The following RFX7 variants were observed in gnomAD, a reference collection of about 807,000 sequenced individuals.
RFX7 encodes regulatory factor X7, also known as DNA-binding protein RFX7.
RFX7 carries 26 observed loss-of-function variants against 111.8 expected under a neutral mutation model. The ratio of observed to expected loss-of-function variants is 0.23; its 90% confidence interval spans 0.17 to 0.32. The LOEUF (loss-of-function observed/expected upper bound fraction) is 0.32. RFX7 is among the 10% of genes least tolerant of loss of function. The pLI is 1.00. For synonymous variants in RFX7, 624 were observed against 624.4 expected, an observed-to-expected ratio of 1.00 and a Z score of 0.01; for missense variants, 1,573 against 1,772.9, an observed-to-expected ratio of 0.89 and a Z score of 2.02.
intron 3 of RFX7, among the ~76,000 whole-genome samples, chr15:56,177,039 T>C (rs1317290581): frequency 6.6e-6 from 1 of 152,154 alleles, no homozygotes; most frequent in South Asian, 2.1e-4. Context: ...ATGTAATACA[T>C]GAACTACTTC....
rs541900782 is a variant in RFX7 at position 56,184,518 on chromosome 15, A to G, written c.162-5215T>C. Reference sequence around the variant, plus strand: ...GAAGATATCCTTGTTTTGTTTCCGCATTAAAGAATTTACTTCTAAACTTTC... The same window carrying G: ...GAAGATATCCTTGTTTTGTTTCCGCGTTAAAGAATTTACTTCTAAACTTTC... On this transcript the variant is annotated intron_variant, in intron 2 of 9. Coordinates refer to ENST00000559447, the MANE Select transcript of RFX7 (RefSeq NM_022841.7). 4.6e-5 allele frequency among the ~76,000 whole-genome samples: 7 copies of G among 152,274 alleles called. No individual in the cohort carries two copies. In the South Asian group the frequency reaches 1.5e-3, roughly 32 times the overall value.
chr15:56,234,426 C>T (rs1238483565), intron 2 of RFX7, among the ~76,000 whole-genome samples: 1 of 152,186 alleles, frequency 6.6e-6, no homozygotes, highest in Non-Finnish European at 1.5e-5. Flanking sequence ...CATGTAGAAT[C>T]TGCCTAAAAT....
chr15:56,128,677 T>A (rs1447754555), intron 5 of RFX7, among the ~76,000 whole-genome samples: 1 of 152,150 alleles, frequency 6.6e-6, no homozygotes, highest in Non-Finnish European at 1.5e-5. Flanking sequence ...ACTCTTACCA[T>A]TTCTATTCAA....
chr15:56,238,233 G>T (rs987912439), intron 2 of RFX7, among the ~76,000 whole-genome samples: 1 of 152,080 alleles, frequency 6.6e-6, no homozygotes, highest in Non-Finnish European at 1.5e-5. Context: ...AAACCTTCTG[G>T]ATCACCAAAC....
At chr15:56,185,053 A>G (rs2043023459) in intron 2 of RFX7, among the ~76,000 whole-genome samples, 1 of 152,194 alleles carries the variant, frequency 6.6e-6, no homozygotes, top group Non-Finnish European at 1.5e-5. Flanking sequence ...TGAATACAAA[A>G]CACATTTTCC....
chr15:56,217,373 A>G (rs2043373157), intron 2 of RFX7, among the ~76,000 whole-genome samples: 1 of 152,060 alleles, frequency 6.6e-6, no homozygotes. Context: ...TCACCCCTAG[A>G]ACCAGATCAA....
At chr15:56,156,848 G>C (rs1298944913) in intron 3 of RFX7, among the ~76,000 whole-genome samples, 1 of 152,154 alleles carries the variant, frequency 6.6e-6, no homozygotes, top group Non-Finnish European at 1.5e-5. Flanking sequence ...GAGTTTAACA[G>C]AGTAGCTCTA....
At chr15:56,175,545 C>A (rs377102100) in intron 3 of RFX7, among the ~76,000 whole-genome samples, 1 of 151,994 alleles carries the variant, frequency 6.6e-6, no homozygotes, top group African/African-American at 2.4e-5. Flanking sequence ...AAGGCAGACA[C>A]AGCAATCAAT....
intron 2 of RFX7, among the ~76,000 whole-genome samples, chr15:56,195,438 T>A (rs1596001656): frequency 6.6e-6 from 1 of 152,264 alleles, no homozygotes; most frequent in South Asian, 2.1e-4. Context: ...ATCATAAAAT[T>A]AAGAAAAAAC....
chr15:56,160,183 A>C (rs1163704004), intron 3 of RFX7, among the ~76,000 whole-genome samples: 1 of 152,078 alleles, frequency 6.6e-6, no homozygotes, highest in Non-Finnish European at 1.5e-5. Context: ...ATATCTGAGG[A>C]TCATTATTTC....
In RFX7 at chr15:56,102,196, G is replaced by C. The variant is rs554738133; in HGVS notation, c.576C>G (p.Asn192Lys). 67 of 1,612,652 alleles carry C rather than the reference G, an allele frequency of 4.2e-5. No homozygotes were observed. The highest frequency in any genetic ancestry group is 5.7e-5 in the Non-Finnish European group (67 of 1,179,228). ...CATCTCCAGTTTTGTGAAAGTCAAGGTTGGGCAGTGTTGGCATATGAACAA... is the reference window on the plus strand; with the variant it reads ...CATCTCCAGTTTTGTGAAAGTCAAGCTTGGGCAGTGTTGGCATATGAACAA... ...KAFVHMPTLP[N>K]LDFHKTGDGL... Residue 192 changes from asparagine (N) to lysine (K), a missense_variant, in exon 7 of 10, where the codon AAC (asparagine) becomes AAG (lysine). Physicochemically the swap from Asn to Lys is moderately conservative, Grantham distance 94. This residue lies in a region of RFX7 where 288 missense variants were observed against 337.9 expected (regional missense o/e 0.85). Transcript: ENST00000559447.
intron 5 of RFX7, among the ~76,000 whole-genome samples, chr15:56,134,983 A>G (rs377046044): frequency 6.6e-6 from 1 of 152,118 alleles, no homozygotes; most frequent in Non-Finnish European, 1.5e-5. Context: ...CATGGTGTAT[A>G]TGTGCCACAT....
At chr15:56,209,899 AG>A (rs2141195528) in intron 2 of RFX7, among the ~76,000 whole-genome samples, 1 of 152,246 alleles carries the variant, frequency 6.6e-6, no homozygotes, top group South Asian at 2.1e-4. Context: ...AAAACAAAAA[AG>A]AGAGGAAGAC....
In RFX7 at chr15:56,098,207, T is replaced by C; in HGVS notation, c.981A>G (p.Glu327=). 6.2e-7 allele frequency: 1 copy of C among 1,613,990 alleles called. No homozygotes were observed. The highest frequency in any genetic ancestry group is 8.5e-7 in the Non-Finnish European group (1 of 1,179,860). Residue 327 remains glutamate, a synonymous_variant, in exon 9 of 10, where the codon GAA becomes GAG. Coordinates refer to ENST00000559447, the MANE Select transcript of RFX7 (RefSeq NM_022841.7). ...EQKLQSPLPG[E]SAAKKSESAT... is the part of the protein sequence containing the mutation. ...CACTTTCTGACTTTTTTGCTGCAGA[T>C]TCTCCTGGCAAAGGGGATTGTAGTT...
intron 5 of RFX7, among the ~76,000 whole-genome samples, chr15:56,112,379 C>CAAAAAAAAAAAAAAAAAAAAATAAAAA (rs2041950440): frequency 1.4e-5 from 1 of 71,768 alleles, no homozygotes; most frequent in Non-Finnish European, 2.6e-5. Context: ...GAGTACAAAT[C>CAAAAAAAAAAAAAAAAAAAAATAAAAA]AAAAAAAAAA....
intron 3 of RFX7, among the ~76,000 whole-genome samples, chr15:56,151,973 A>T (rs2141050052): frequency 6.6e-6 from 1 of 152,346 alleles, no homozygotes; most frequent in Admixed American, 6.5e-5. Flanking sequence ...GCATTACATA[A>T]TGGTAAAGGG....
At chr15:56,179,178 T>C (rs1446736650) in intron 3 of RFX7, 92 bp downstream of exon 3, 4 of 596,954 alleles carry the variant, frequency 6.7e-6, no homozygotes, top group Admixed American at 8.9e-5. Flanking sequence ...TTAGATTATA[T>C]TTAAAATCAA....
chr15:56,155,187 A>G (rs1474862824), intron 3 of RFX7, among the ~76,000 whole-genome samples: 3 of 152,238 alleles, frequency 2.0e-5, no homozygotes, highest in African/African-American at 7.2e-5. Flanking sequence ...GGGAGTGTAA[A>G]TTAGTTCAAC....
chr15:56,098,055 G>A (rs1454850615), intron 9 of RFX7, 26 bp downstream of exon 9: 7 of 1,605,280 alleles, frequency 4.4e-6, no homozygotes, highest in Admixed American at 1.7e-5. Context: ...ATCCCAATAA[G>A]GCCAAATACT....
Sources: allele counts gnomAD v4.1 joint callset (sites outside exome capture counted in the v4.1 genomes callset), GRCh38; gene constraint gnomAD v4.1.1; regional missense constraint gnomAD v4.1.1; transcripts MANE v1.5; gene names NCBI Gene and HGNC (gene_info 2026-07-23, HGNC 2026-07-21).